Variants in ARNT2 observed in about 807,000 individuals in gnomAD.
ARNT2 encodes the protein ARNT protein 2.
ARNT2 carries 36 observed loss-of-function variants against 91.7 expected under a neutral mutation model. The observed-to-expected ratio is 0.39, with a 90% CI of 0.30 to 0.52. The LOEUF is 0.52. Ranked by LOEUF, ARNT2 falls within the 20% of genes least tolerant of loss-of-function variation. ARNT2 has a pLI of 0.72. For synonymous variants in ARNT2, 365 were observed against 347.1 expected (o/e 1.05, Z -0.57); for missense variants, 775 against 939.3 (o/e 0.83, Z 2.29).
At chr15:80,510,573 G>T (rs113441703) in intron 6 of ARNT2, among the ~76,000 whole-genome samples, 43,107 of 152,082 alleles carry the variant, frequency 0.28, 8,243 homozygotes, top group Non-Finnish European at 0.4. Context: ...GCTCATGCCT[G>T]TAATCCCAGC....
At chr15:80,464,923 A>G (rs569316759) in intron 3 of ARNT2, among the ~76,000 whole-genome samples, 4 of 152,306 alleles carry the variant, frequency 2.6e-5, no homozygotes, top group African/African-American at 7.2e-5. Flanking sequence ...ACCCCCACGC[A>G]GCCACTCTTG....
rs551452186 is a variant in ARNT2, at chr15:80,480,686, T to C, written c.622+5463T>C. On this transcript the variant is annotated intron_variant, in intron 5 of 18. Transcript: ENST00000303329. The stretch of plus-strand genomic sequence containing the variant: ...TTCAGTGTAGAAAATAGCTTCAAAA[T>C]AGAGCTGTCCAACAGCAGAAGAGGG... 2.6e-5 allele frequency among the ~76,000 whole-genome samples: 4 copies of C among 152,192 alleles called. No homozygotes were observed. In the East Asian group the frequency reaches 7.7e-4, roughly 29 times the overall value.
At chr15:80,415,884 T>C (rs1895774626) in intron 1 of ARNT2, among the ~76,000 whole-genome samples, 1 of 152,088 alleles carries the variant, frequency 6.6e-6, no homozygotes, top group Non-Finnish European at 1.5e-5. Flanking sequence ...AGGCGTTTGG[T>C]TGAGTTTAAG....
At chr15:80,556,896 C>T (rs1298836774) in intron 11 of ARNT2, 1 of 152,126 alleles carries the variant, frequency 6.6e-6, no homozygotes, top group Non-Finnish European at 1.5e-5. Flanking sequence ...GAGAACACAC[C>T]TCCTCTCTCC....
At chr15:80,412,790 T>C (rs780501746) in intron 1 of ARNT2, among the ~76,000 whole-genome samples, 17 of 152,240 alleles carry the variant, frequency 1.1e-4, no homozygotes, top group Non-Finnish European at 2.5e-4. Flanking sequence ...GTCAATTCTT[T>C]GAAGTAGAAT....
chr15:80,558,860 A>AG (rs1225981493), intron 11 of ARNT2, among the ~76,000 whole-genome samples: 1 of 152,250 alleles, frequency 6.6e-6, no homozygotes, highest in East Asian at 1.9e-4. Context: ...ATCGTTTAGC[A>AG]GTCAGGTTTG....
intron 8 of ARNT2, among the ~76,000 whole-genome samples, chr15:80,539,059 G>C (rs1897867201): frequency 6.6e-6 from 1 of 151,702 alleles, no homozygotes; most frequent in Non-Finnish European, 1.5e-5. Flanking sequence ...ATCAAAGCTA[G>C]GCAAAAAATT....
At chr15:80,564,061 A>G (rs1164289291) in intron 12 of ARNT2, among the ~76,000 whole-genome samples, 1 of 152,212 alleles carries the variant, frequency 6.6e-6, no homozygotes, top group Non-Finnish European at 1.5e-5. Context: ...AGCAAACGCA[A>G]GCATGTGGAA....
At chr15:80,451,230 T>C (rs1896384912) in intron 2 of ARNT2, among the ~76,000 whole-genome samples, 2 of 152,248 alleles carry the variant, frequency 1.3e-5, no homozygotes. Flanking sequence ...ATGTGCTTTG[T>C]GATCCTGCTG....
chr15:80,588,236 C>G (rs538880243), intron 17 of ARNT2, among the ~76,000 whole-genome samples: 7 of 152,282 alleles, frequency 4.6e-5, no homozygotes, highest in African/African-American at 1.7e-4. Flanking sequence ...AGTCAGTAAT[C>G]AATCAACAAG....
At chr15:80,519,887 A>T in intron 8 of ARNT2, among the ~76,000 whole-genome samples, 1 of 138,172 alleles carries the variant, frequency 7.2e-6, no homozygotes, top group Non-Finnish European at 1.5e-5. Flanking sequence ...TTTACTAGAG[A>T]TGGGGTTTCA....
chr15:80,447,141 A>AACAC lies in ARNT2; in HGVS notation c.32-3720_32-3717dup, dbSNP rs141530902. On this transcript the variant is annotated intron_variant, in intron 1 of 18. Transcript: ENST00000303329. ...CTTCTAGTCTTTTTTCTGTGCATAT[A>AACAC]ACACACACACACACACACACACCCT... 7.2e-3 allele frequency among the ~76,000 whole-genome samples: 1,074 copies of AACAC among 150,162 alleles called. 9 individuals are homozygous for AACAC. The highest frequency in any genetic ancestry group is 0.017 in the Middle Eastern group (5 of 288).
Position 80,593,600 on chromosome 15 carries a change from G to A in ARNT2, c.2056G>A (p.Asp686Asn). The A allele has an allele frequency of 1.9e-6, 3 of 1,592,076 alleles. No homozygotes were observed. The highest frequency in any genetic ancestry group is 2.6e-6 in the Non-Finnish European group (3 of 1,167,128). ...GGCTCTCTTTTCCTCTCCTCTGCAGGACATGCTGCCCATGCCAGGAGATCC... is the reference window on the plus strand; with the variant it reads ...GGCTCTCTTTTCCTCTCCTCTGCAGAACATGCTGCCCATGCCAGGAGATCC... ...QQPGQTEVFQ[D>N]MLPMPGDPTQ... Residue 686 changes from aspartate to asparagine, a missense_variant and splice_region_variant, in exon 19 of 19, where the codon GAC becomes AAC. Asp to Asn is a conservative substitution (Grantham distance 23). This residue lies in a region of ARNT2 where 325 missense variants were observed against 359.9 expected (regional missense o/e 0.90). Transcript: ENST00000303329.
At chr15:80,572,272 C>T (rs1178389756) in intron 12 of ARNT2, among the ~76,000 whole-genome samples, 1 of 152,096 alleles carries the variant, frequency 6.6e-6, no homozygotes, top group East Asian at 1.9e-4. Flanking sequence ...CACACACCAC[C>T]TTCTCCTGGA....
At chr15:80,460,415 A>C (rs1318751473) in intron 3 of ARNT2, among the ~76,000 whole-genome samples, 1 of 152,200 alleles carries the variant, frequency 6.6e-6, no homozygotes, top group Non-Finnish European at 1.5e-5. Context: ...GTAGATGTGA[A>C]GCTGCCACTG....
At chr15:80,435,268 T>G (rs1896069901) in intron 1 of ARNT2, among the ~76,000 whole-genome samples, 1 of 152,194 alleles carries the variant, frequency 6.6e-6, no homozygotes, top group African/African-American at 2.4e-5. Context: ...TCTTTCCCTC[T>G]TGGAGTGATG....
chr15:80,559,848 G>A (rs1898294329), intron 11 of ARNT2, among the ~76,000 whole-genome samples: 2 of 152,190 alleles, frequency 1.3e-5, no homozygotes, highest in South Asian at 4.1e-4. Flanking sequence ...TTTACGCTTG[G>A]CCTTGGCCAT....
chr15:80,591,680 G>T lies in ARNT2; in HGVS notation c.2031G>T (p.Gln677His). The change falls in exon 18 of 19, where the codon CAG becomes CAT. Residue 677 changes from glutamine (Q) to histidine (H), a missense_variant. Coordinates refer to ENST00000303329, the MANE Select transcript of ARNT2 (RefSeq NM_014862.4). This position sits in a 1 kb window ranked among gnomAD's most constrained non-coding sequence, Gnocchi z 5.1. ...QQSGEQHSHQ[Q>H]PGQTEVFQDM... is the part of the protein sequence containing the mutation. ...GCGGTGAGCAGCACTCCCACCAGCA[G>T]CCCGGTCAGACTGAAGTGTTCCAGG... 2 of 1,614,090 alleles carry T rather than the reference G, an allele frequency of 1.2e-6. No homozygotes were observed. Among genetic ancestry groups the T allele is most frequent in the Non-Finnish European group, 8.5e-7 (1 of 1,179,938 alleles).
intron 8 of ARNT2, among the ~76,000 whole-genome samples, chr15:80,526,070 T>C (rs1263661565): frequency 6.6e-6 from 1 of 152,234 alleles, no homozygotes; most frequent in Non-Finnish European, 1.5e-5. Flanking sequence ...ACACTCGTTG[T>C]TCTTTCTCCT....
Sources: allele counts gnomAD v4.1 joint callset (sites outside exome capture counted in the v4.1 genomes callset), GRCh38; gene constraint gnomAD v4.1.1; regional missense constraint gnomAD v4.1.1; non-coding constraint Gnocchi (gnomAD v3.1); transcripts MANE v1.5; gene names NCBI Gene and HGNC (gene_info 2026-07-23, HGNC 2026-07-21).